Variants in TMEM178B observed in about 807,000 individuals in gnomAD.
The protein encoded by TMEM178B is transmembrane protein 178B.
In TMEM178B, 5 loss-of-function variants were observed where a neutral mutation model predicts 31.0. That is an observed-to-expected ratio of 0.16 (90% CI 0.08 to 0.34). The LOEUF (loss-of-function observed/expected upper bound fraction) is 0.34. Ranked by LOEUF, TMEM178B falls within the 10% of genes least tolerant of loss-of-function variation. The pLI is 1.00. For synonymous variants in TMEM178B, 164 were observed against 164.0 expected (o/e 1.00, Z 0.00); for missense variants, 275 against 400.3 (o/e 0.69, Z 2.67).
chr7:141,241,591 A>AAG, intron 2 of TMEM178B, among the ~76,000 whole-genome samples: 1 of 50,314 alleles, frequency 2.0e-5, no homozygotes, highest in Admixed American at 2.8e-4. Flanking sequence ...ACTTCGTCTC[A>AAG]AAAAAAAAAA....
At chr7:141,127,229 C>A (rs1330136860) in intron 1 of TMEM178B, among the ~76,000 whole-genome samples, 2 of 152,134 alleles carry the variant, frequency 1.3e-5, no homozygotes, top group Non-Finnish European at 2.9e-5. Context: ...TCGGATAGAC[C>A]TTTTGAGTTT....
intron 1 of TMEM178B, among the ~76,000 whole-genome samples, chr7:141,168,121 G>T (rs1024354876): frequency 3.3e-5 from 5 of 152,200 alleles, no homozygotes; most frequent in African/African-American, 1.2e-4. Flanking sequence ...CCGGGAATCT[G>T]AGTCCCATAG....
intron 2 of TMEM178B, among the ~76,000 whole-genome samples, chr7:141,358,333 C>A (rs922571417): frequency 2.0e-5 from 3 of 152,132 alleles, no homozygotes; most frequent in African/African-American, 7.2e-5. Context: ...CACTGGTTTA[C>A]AAGTGTTTCC....
intron 1 of TMEM178B, among the ~76,000 whole-genome samples, chr7:141,097,769 T>G (rs1008122970): frequency 1.9e-4 from 28 of 151,292 alleles, no homozygotes; most frequent in Non-Finnish European, 1.5e-5. Context: ...ATTCGCTTTA[T>G]GTTTCTTTTC....
chr7:141,188,024 A>G (rs982562129), intron 1 of TMEM178B, among the ~76,000 whole-genome samples: 3 of 152,156 alleles, frequency 2.0e-5, no homozygotes, highest in Non-Finnish European at 2.9e-5. Flanking sequence ...GCCCATGCCT[A>G]TGTCCTGAAT....
intron 2 of TMEM178B, among the ~76,000 whole-genome samples, chr7:141,337,729 G>C (rs1234172696): frequency 6.6e-6 from 1 of 152,160 alleles, no homozygotes; most frequent in Non-Finnish European, 1.5e-5. Context: ...TGCATACTTT[G>C]TCATTTTGAC....
intron 2 of TMEM178B, among the ~76,000 whole-genome samples, chr7:141,311,277 C>T (rs1433107993): frequency 1.3e-5 from 2 of 152,194 alleles, no homozygotes; most frequent in African/African-American, 2.4e-5. Context: ...CAGGCACATC[C>T]TGCACATGTA....
At chr7:141,146,139 G>C (rs1795846484) in intron 1 of TMEM178B, among the ~76,000 whole-genome samples, 1 of 152,208 alleles carries the variant, frequency 6.6e-6, no homozygotes, top group African/African-American at 2.4e-5. Context: ...TGACACTCAA[G>C]AGAGGTGAAG....
At chr7:141,432,553 A>T (rs188346096) in intron 2 of TMEM178B, among the ~76,000 whole-genome samples, 7 of 152,264 alleles carry the variant, frequency 4.6e-5, no homozygotes, top group Non-Finnish European at 8.8e-5. Flanking sequence ...ATAAGTTAGA[A>T]TTGAGTATAT....
chr7:141,148,976 C>G (rs184079508), intron 1 of TMEM178B, among the ~76,000 whole-genome samples: 7 of 152,184 alleles, frequency 4.6e-5, no homozygotes, highest in Admixed American at 2.6e-4. Context: ...TGGAGAGGAG[C>G]TCTATGTGGC....
intron 2 of TMEM178B, among the ~76,000 whole-genome samples, chr7:141,296,165 C>T (rs1042894496): frequency 2.7e-4 from 41 of 151,918 alleles, no homozygotes; most frequent in Non-Finnish European, 7.4e-5. Context: ...CCTCCCAGGT[C>T]CAAGCAATTC....
chr7:141,082,315 C>T (rs1243001295), intron 1 of TMEM178B, among the ~76,000 whole-genome samples: 3 of 152,182 alleles, frequency 2.0e-5, no homozygotes, highest in Non-Finnish European at 4.4e-5. Context: ...TCCACAGGCT[C>T]TTTCTTTCTG....
chr7:141,323,746 T>C (rs574334309), intron 2 of TMEM178B, among the ~76,000 whole-genome samples: 72 of 152,306 alleles, frequency 4.7e-4, no homozygotes, highest in South Asian at 1.5e-3. Flanking sequence ...TTATAGAGTT[T>C]ATATTCTACT....
At chr7:141,270,721 A>G (rs1164839561) in intron 2 of TMEM178B, among the ~76,000 whole-genome samples, 1 of 152,276 alleles carries the variant, frequency 6.6e-6, no homozygotes, top group African/African-American at 2.4e-5. Context: ...AAACTGAAGC[A>G]TAGCTCTTGC....
At chr7:141,165,555 C>T (rs756419066) in intron 1 of TMEM178B, among the ~76,000 whole-genome samples, 4 of 152,198 alleles carry the variant, frequency 2.6e-5, no homozygotes, top group Non-Finnish European at 4.4e-5. Context: ...TTTTATTTCC[C>T]TTTCCAGACC....
At chr7:141,205,648 T>A (rs1796950912) in intron 1 of TMEM178B, among the ~76,000 whole-genome samples, 1 of 152,232 alleles carries the variant, frequency 6.6e-6, no homozygotes, top group Non-Finnish European at 1.5e-5. Flanking sequence ...AGATATAAAG[T>A]ACTACAGCAT....
chr7:141,151,571 C>T (rs1409469456), intron 1 of TMEM178B, among the ~76,000 whole-genome samples: 1 of 152,052 alleles, frequency 6.6e-6, no homozygotes, highest in Admixed American at 6.5e-5. Context: ...AGACGGAGTC[C>T]CTGACTGGGC....
At chr7:141,374,644 G>A (rs144847636) in intron 2 of TMEM178B, among the ~76,000 whole-genome samples, 22 of 152,314 alleles carry the variant, frequency 1.4e-4, no homozygotes, top group African/African-American at 5.3e-4. Context: ...GAGTGCTCTC[G>A]CACATGCCAC....
intron 2 of TMEM178B, among the ~76,000 whole-genome samples, chr7:141,372,414 A>T (rs543522628): frequency 1.3e-5 from 2 of 152,250 alleles, no homozygotes; most frequent in South Asian, 4.2e-4. Flanking sequence ...CTCCCTGCAG[A>T]TTACCCTGTG....
Sources: gnomAD v4.1 joint callset for allele counts (sites outside exome capture counted in the v4.1 genomes callset) on GRCh38, gnomAD v4.1.1 for gene constraint, MANE v1.5 for transcripts, NCBI Gene and HGNC (gene_info 2026-07-23, HGNC 2026-07-21) for gene names.